Variants in STK4 observed in about 807,000 individuals in gnomAD.
STK4 encodes the protein serine/threonine-protein kinase 4.
STK4 carries 30 observed loss-of-function variants against 64.9 expected under a neutral mutation model. That is an observed-to-expected ratio of 0.46 (90% confidence interval 0.35 to 0.63). The LOEUF is 0.63. Ranked by LOEUF, STK4 falls within the 20% of genes least tolerant of loss-of-function variation. The probability of loss-of-function intolerance (pLI) is 0.01; values close to 1 mark genes in which losing one functional copy is unlikely to be tolerated. For missense variants in STK4, 466 were observed against 598.5 expected (o/e 0.78, Z 2.31); for synonymous variants, 177 against 199.0 (o/e 0.89, Z 0.93).
intron 10 of STK4, among the ~76,000 whole-genome samples, chr20:45,036,570 AAGAGAAGAGG>A (rs1336671023): frequency 6.6e-6 from 1 of 152,168 alleles, no homozygotes; most frequent in Admixed American, 6.5e-5. Context: ...TGCTTCTTTT[AAGAGAAGAGG>A]TGAAAGTTCT....
intron 5 of STK4, among the ~76,000 whole-genome samples, chr20:44,990,805 A>T (rs1236945529): frequency 6.6e-6 from 1 of 152,174 alleles, no homozygotes; most frequent in African/African-American, 2.4e-5. Context: ...TAGGGTGCTT[A>T]GCTGCTTCTT....
chr20:45,070,382 C>A (rs377274981), intron 10 of STK4, among the ~76,000 whole-genome samples: 1 of 152,082 alleles, frequency 6.6e-6, no homozygotes, highest in South Asian at 2.1e-4. Flanking sequence ...TTGAGTTATA[C>A]CAATATTTCA....
chr20:45,000,648 T>C (rs2067821136), intron 8 of STK4, 128 bp downstream of exon 8: 1 of 1,371,828 alleles, frequency 7.3e-7, no homozygotes, highest in Admixed American at 2.1e-5. Context: ...CATAACTATG[T>C]CCTAACCTGG....
At chr20:45,055,279 C>T (rs1451713641) in intron 10 of STK4, among the ~76,000 whole-genome samples, 2 of 152,188 alleles carry the variant, frequency 1.3e-5, no homozygotes, top group East Asian at 3.8e-4. Flanking sequence ...GTGTTTTTAA[C>T]AATCTACTCA....
chr20:44,998,720 T>C (rs1032031662), intron 7 of STK4, among the ~76,000 whole-genome samples: 14 of 152,184 alleles, frequency 9.2e-5, no homozygotes, highest in Admixed American at 2.6e-4. Context: ...GCAGACATAA[T>C]GAAATAGATA....
chr20:44,993,697 T>G (rs1184319729), intron 5 of STK4, among the ~76,000 whole-genome samples: 1 of 152,262 alleles, frequency 6.6e-6, no homozygotes, highest in Non-Finnish European at 1.5e-5. Context: ...ATTCTTCTTT[T>G]GCTGGGCATT....
chr20:45,011,729 A>ATATATATATATATATATATATATATT (rs60170856), intron 9 of STK4, among the ~76,000 whole-genome samples: 5 of 115,388 alleles, frequency 4.3e-5, no homozygotes, highest in Middle Eastern at 4.9e-3. Context: ...ATATATATAT[A>ATATATATATATATATATATATATATT]TTTTTTTTTT....
chr20:44,992,007 T>TA (rs2067644050), intron 5 of STK4, among the ~76,000 whole-genome samples: 1 of 152,096 alleles, frequency 6.6e-6, no homozygotes, highest in Non-Finnish European at 1.5e-5. Context: ...AAAGATAAAC[T>TA]AAAAAAATTT....
At chr20:45,074,708 A>G (rs1980372484) in intron 10 of STK4, among the ~76,000 whole-genome samples, 1 of 152,200 alleles carries the variant, frequency 6.6e-6, no homozygotes, top group Non-Finnish European at 1.5e-5. Context: ...CAATGAATCT[A>G]TATTTAATTA....
intron 10 of STK4, among the ~76,000 whole-genome samples, chr20:45,066,757 G>T (rs1045478133): frequency 2.0e-5 from 3 of 152,214 alleles, no homozygotes; most frequent in Non-Finnish European, 4.4e-5. Flanking sequence ...TATTGGAGAA[G>T]AATTAGGAAG....
intron 4 of STK4, among the ~76,000 whole-genome samples, chr20:44,986,168 A>G (rs1207274089): frequency 6.6e-6 from 1 of 152,228 alleles, no homozygotes; most frequent in African/African-American, 2.4e-5. Context: ...TATCACATAC[A>G]TAGATAAATA....
At position 45,075,100 on chromosome 20, in the gene STK4, G is replaced by A. The variant is rs746946767; in HGVS notation, c.1388G>A (p.Arg463Gln). The change falls in exon 11 of 11, where the codon CGG (arginine) becomes CAG (glutamine). Residue 463 changes from arginine (R) to glutamine (Q), a missense_variant. Physicochemically the swap from Arg to Gln is conservative, Grantham distance 43. Coordinates refer to ENST00000372806, the MANE Select transcript of STK4 (RefSeq NM_006282.5). ...ATGGAGCAGGAGATTGAAGAGATCC[G>A]GCAGAAGTACCAGTCCAAGCGGCAG... is the stretch of plus-strand genomic sequence containing the variant. The part of the protein sequence containing the change: ...PMMEQEIEEI[R>Q]QKYQSKRQPI... 1.8e-5 allele frequency: 29 copies of A among 1,614,066 alleles called. No individual in the cohort carries two copies. Among genetic ancestry groups the A allele is most frequent in the Admixed American group, 5.0e-5 (3 of 60,006 alleles).
At chr20:44,970,179 T>C (rs1439218801) in intron 1 of STK4, among the ~76,000 whole-genome samples, 3 of 151,982 alleles carry the variant, frequency 2.0e-5, no homozygotes, top group Non-Finnish European at 2.9e-5. Flanking sequence ...TGTATACATA[T>C]GTAACTAACC....
intron 1 of STK4, among the ~76,000 whole-genome samples, chr20:44,969,914 T>C (rs1243443008): frequency 6.6e-6 from 1 of 152,246 alleles, no homozygotes; most frequent in African/African-American, 2.4e-5. Context: ...AATTCTGTTT[T>C]ATTGTGATAA....
At chr20:45,020,604 A>G (rs754344450) in intron 9 of STK4, among the ~76,000 whole-genome samples, 1 of 152,070 alleles carries the variant, frequency 6.6e-6, no homozygotes, top group African/African-American at 2.4e-5. Flanking sequence ...TTGATTCATG[A>G]TTCTGTAAGT....
chr20:45,009,948 A>G (rs1179888215), intron 9 of STK4, among the ~76,000 whole-genome samples: 1 of 152,138 alleles, frequency 6.6e-6, no homozygotes, highest in Non-Finnish European at 1.5e-5. Context: ...AGGATTTTCT[A>G]GGTATAGAAT....
intron 10 of STK4, among the ~76,000 whole-genome samples, chr20:45,044,415 G>A (rs1187158011): frequency 6.6e-6 from 1 of 152,146 alleles, no homozygotes; most frequent in Non-Finnish European, 1.5e-5. Context: ...GGAGGCTGAG[G>A]TTGCAGGATC....
rs548509170 is a variant in STK4 at position 44,979,735 on chromosome 20, C to A, written c.245+1164C>A. On this transcript the variant is annotated intron_variant, in intron 3 of 10. Transcript: ENST00000372806. ...TCCAGAAGCCTTTCAGTCTCACAGA[C>A]TTGGGAATGTAGTCCTTTCTTTTTT... 4.6e-5 allele frequency among the ~76,000 whole-genome samples: 7 copies of A among 152,246 alleles called. No individual in the cohort carries two copies. The South Asian group carries it at 1.5e-3, about 32-fold the overall frequency.
chr20:45,036,606 G>T (rs184828911), intron 10 of STK4, among the ~76,000 whole-genome samples: 80 of 152,226 alleles, frequency 5.3e-4, no homozygotes, highest in Admixed American at 4.4e-3. Flanking sequence ...AAAAATAAGG[G>T]GGGAAAAACC....
Sources: allele counts gnomAD v4.1 joint callset (sites outside exome capture counted in the v4.1 genomes callset), GRCh38; gene constraint gnomAD v4.1.1; transcripts MANE v1.5; gene names NCBI Gene and HGNC (gene_info 2026-07-23, HGNC 2026-07-21).